The following IMMP2L variants were observed in gnomAD, a reference collection of about 807,000 sequenced individuals.
The protein encoded by IMMP2L is inner mitochondrial membrane peptidase subunit 2.
IMMP2L carries 18 observed loss-of-function variants against 19.3 expected under a neutral mutation model. That is an observed-to-expected ratio of 0.93 (90% CI 0.64 to 1.38). The LOEUF (loss-of-function observed/expected upper bound fraction) is 1.38. Ranked by LOEUF, IMMP2L falls within the 40% of genes most tolerant of loss-of-function variation. IMMP2L has a pLI of 0.00. For missense variants in IMMP2L, 233 were observed against 218.2 expected, an observed-to-expected ratio of 1.07 and a Z score of -0.43; for synonymous variants, 76 against 73.0, an observed-to-expected ratio of 1.04 and a Z score of -0.21.
intron 3 of IMMP2L, among the ~76,000 whole-genome samples, chr7:111,279,778 G>A (rs1819498257): frequency 6.6e-6 from 1 of 152,020 alleles, no homozygotes; most frequent in African/African-American, 2.4e-5. Context: ...GACATATAAA[G>A]AGGCCAGGTT....
rs570105464 is a variant in IMMP2L at position 111,520,818 on chromosome 7, C to A, written c.135+495G>T. On this transcript the variant is annotated intron_variant, in intron 2 of 5. Transcript: ENST00000405709. ...AAATCTCCACTCCAAAGTTCTTCCA[C>A]TGTAAACTGCACTTAATCTTTTCAA... Among the ~76,000 whole-genome samples the A allele has an allele frequency of 7.9e-5, 12 of 152,268 alleles. No individual in the cohort carries two copies. In the South Asian group the frequency reaches 2.5e-3, roughly 32 times the overall value.
intron 5 of IMMP2L, among the ~76,000 whole-genome samples, chr7:110,804,596 A>T (rs1801492940): frequency 6.6e-6 from 1 of 152,004 alleles, no homozygotes; most frequent in Non-Finnish European, 1.5e-5. Context: ...TAGGGACTAC[A>T]TTTCCCAGAC....
chr7:111,000,790 G>A (rs1040241915), intron 3 of IMMP2L, among the ~76,000 whole-genome samples: 2 of 151,338 alleles, frequency 1.3e-5, no homozygotes, highest in Non-Finnish European at 2.9e-5. Context: ...TTTGCAGTGA[G>A]CTGAGATAGT....
intron 5 of IMMP2L, among the ~76,000 whole-genome samples, chr7:110,820,578 C>A (rs556971794): frequency 8.6e-5 from 13 of 150,518 alleles, no homozygotes; most frequent in South Asian, 8.4e-4. Flanking sequence ...ACACACACAC[C>A]CACCCACCCA....
At chr7:110,860,678 G>A (rs1807304109) in intron 5 of IMMP2L, among the ~76,000 whole-genome samples, 1 of 152,046 alleles carries the variant, frequency 6.6e-6, no homozygotes. Flanking sequence ...CAACTATACT[G>A]ACAGTTCACA....
intron 1 of IMMP2L, among the ~76,000 whole-genome samples, chr7:111,536,945 A>G (rs1437470232): frequency 1.3e-5 from 2 of 152,090 alleles, no homozygotes; most frequent in African/African-American, 2.4e-5. Context: ...AACAGCTGAC[A>G]TTGAAATTGT....
intron 3 of IMMP2L, among the ~76,000 whole-genome samples, chr7:111,024,397 T>C (rs1826604908): frequency 6.6e-6 from 1 of 152,098 alleles, no homozygotes; most frequent in South Asian, 2.1e-4. Context: ...CTCTATTCTC[T>C]CTCCTACTTT....
chr7:110,857,713 G>C (rs527828310), intron 5 of IMMP2L, among the ~76,000 whole-genome samples: 1 of 151,990 alleles, frequency 6.6e-6, no homozygotes, highest in African/African-American at 2.4e-5. Context: ...AGGCACTTGA[G>C]GCTCCTCTAT....
Position 111,539,244 on chromosome 7 carries a change from AAG to A in IMMP2L, c.-2-17797_-2-17796del, listed in dbSNP as rs1302544052. Among the ~76,000 whole-genome samples, 6 of 145,420 alleles carry A rather than the reference AAG, an allele frequency of 4.1e-5. No homozygotes were observed. In the East Asian group the frequency reaches 7.9e-4, roughly 19 times the overall value. On this transcript the variant is annotated intron_variant, in intron 1 of 5. Coordinates refer to ENST00000405709, the MANE Select transcript of IMMP2L (RefSeq NM_032549.4). ...AAAGAAAGAAAGAAAGAAAGAAAGA[AAG>A]AAAGAAAGAAAGAAAGAAAGAAAGA...
At chr7:111,391,927 C>T (rs1371637348) in intron 3 of IMMP2L, 5 of 702,806 alleles carry the variant, frequency 7.1e-6, no homozygotes, top group African/African-American at 5.2e-5. Flanking sequence ...TGTCCTTGAC[C>T]TCAGATATGC....
chr7:111,074,263 T>C (rs907669042), intron 3 of IMMP2L, among the ~76,000 whole-genome samples: 43 of 152,242 alleles, frequency 2.8e-4, no homozygotes, highest in African/African-American at 1.0e-3. Flanking sequence ...GACCTGACTG[T>C]CATCTTTCCA....
chr7:111,042,518 G>A (rs1585914865), intron 3 of IMMP2L, among the ~76,000 whole-genome samples: 1 of 152,170 alleles, frequency 6.6e-6, no homozygotes, highest in African/African-American at 2.4e-5. Context: ...GGGTTAACTT[G>A]GTGATATCTA....
At chr7:110,861,069 TTGTG>T (rs754363475) in intron 5 of IMMP2L, among the ~76,000 whole-genome samples, 40 of 129,024 alleles carry the variant, frequency 3.1e-4, no homozygotes, top group Non-Finnish European at 4.9e-4. Context: ...CACCAGCAGT[TTGTG>T]TGTGTGTGTG....
At chr7:111,495,161 T>C (rs868467812) in intron 2 of IMMP2L, among the ~76,000 whole-genome samples, 9 of 152,148 alleles carry the variant, frequency 5.9e-5, no homozygotes, top group Admixed American at 1.3e-4. Flanking sequence ...TAAAAACATA[T>C]GCATTTAAAA....
chr7:111,467,372 A>G (rs1300806635), intron 3 of IMMP2L, among the ~76,000 whole-genome samples: 1 of 152,222 alleles, frequency 6.6e-6, no homozygotes, highest in Non-Finnish European at 1.5e-5. Context: ...TATACAGTCC[A>G]GAAATATATT....
intron 5 of IMMP2L, among the ~76,000 whole-genome samples, chr7:110,740,448 G>A (rs1304276089): frequency 6.6e-6 from 1 of 152,036 alleles, no homozygotes; most frequent in Non-Finnish European, 1.5e-5. Context: ...ACGTTTATGT[G>A]CATAAACTAG....
At chr7:111,470,007 T>A (rs868080019) in intron 3 of IMMP2L, among the ~76,000 whole-genome samples, 38 of 151,880 alleles carry the variant, frequency 2.5e-4, no homozygotes, top group Admixed American at 1.5e-3. Flanking sequence ...GAATCTACAA[T>A]GAACTCAAAC....
intron 1 of IMMP2L, among the ~76,000 whole-genome samples, chr7:111,552,498 G>A (rs1790786362): frequency 6.6e-6 from 1 of 152,134 alleles, no homozygotes; most frequent in African/African-American, 2.4e-5. Context: ...ATGTTGGCCA[G>A]GCTGTTCTCA....
intron 5 of IMMP2L, among the ~76,000 whole-genome samples, chr7:110,791,032 A>C (rs1289423626): frequency 1.3e-5 from 2 of 151,524 alleles, no homozygotes; most frequent in African/African-American, 4.9e-5. Flanking sequence ...AATTCCATAA[A>C]CACAAACTTC....
Sources: allele counts gnomAD v4.1 joint callset (sites outside exome capture counted in the v4.1 genomes callset), GRCh38; gene constraint gnomAD v4.1.1; transcripts MANE v1.5; gene names NCBI Gene and HGNC (gene_info 2026-07-23, HGNC 2026-07-21).